NEK7: variants seen among roughly 807,000 people sequenced by gnomAD.
The protein encoded by NEK7 is serine/threonine-protein kinase Nek7.
In NEK7, 18 loss-of-function variants were observed where a neutral mutation model predicts 44.6. That is an observed-to-expected ratio of 0.40 (90% CI 0.28 to 0.60). NEK7 has a LOEUF of 0.60. NEK7 is among the 20% of genes least tolerant of loss of function. The pLI is 0.38. For missense variants in NEK7, 256 were observed against 366.5 expected, an observed-to-expected ratio of 0.70 and a Z score of 2.46; for synonymous variants, 130 against 121.1, an observed-to-expected ratio of 1.07 and a Z score of -0.48.
At chr1:198,233,407 C>G (rs1349140954) in intron 2 of NEK7, among the ~76,000 whole-genome samples, 3 of 151,996 alleles carry the variant, frequency 2.0e-5, no homozygotes, top group Admixed American at 2.0e-4. Context: ...CAGTTGCCAC[C>G]CCATGTCAGG....
chr1:198,267,736 T>C (rs925182577), intron 5 of NEK7, among the ~76,000 whole-genome samples: 1 of 151,946 alleles, frequency 6.6e-6, no homozygotes, highest in East Asian at 1.9e-4. Context: ...AGCCACTGTG[T>C]CCAGCCTGTG....
intron 8 of NEK7, among the ~76,000 whole-genome samples, chr1:198,296,683 C>G (rs1031240634): frequency 2.0e-5 from 3 of 152,176 alleles, no homozygotes; most frequent in African/African-American, 7.2e-5. Flanking sequence ...AGAGAAAATG[C>G]TCTGCATTCT....
intron 9 of NEK7, among the ~76,000 whole-genome samples, chr1:198,297,876 C>G (rs535220819): frequency 1.1e-4 from 17 of 152,290 alleles, no homozygotes; most frequent in Admixed American, 3.9e-4. Flanking sequence ...TCTTAGAAGG[C>G]TACCTTATTA....
intron 7 of NEK7, among the ~76,000 whole-genome samples, chr1:198,281,400 C>T (rs1654193652): frequency 1.3e-5 from 2 of 151,876 alleles, no homozygotes; most frequent in Non-Finnish European, 2.9e-5. Flanking sequence ...TATGTTGATT[C>T]ATTTTTTAAT....
At chr1:198,243,778 C>T (rs1010726252) in intron 2 of NEK7, among the ~76,000 whole-genome samples, 4 of 151,786 alleles carry the variant, frequency 2.6e-5, no homozygotes, top group South Asian at 4.1e-4. Flanking sequence ...TGACACTTAA[C>T]GAAACTTTAG....
chr1:198,188,936 A>G (rs16842548), intron 1 of NEK7, among the ~76,000 whole-genome samples: 15,559 of 152,198 alleles, frequency 0.1, 1,035 homozygotes, highest in East Asian at 0.22. Flanking sequence ...TTGTGCAACC[A>G]GGCATTGAAC....
intron 1 of NEK7, among the ~76,000 whole-genome samples, chr1:198,199,026 T>C (rs1665333119): frequency 6.6e-6 from 1 of 152,164 alleles, no homozygotes; most frequent in Admixed American, 6.5e-5. Context: ...TACCAACCAG[T>C]GATGGAGCTG....
At chr1:198,297,598 C>T (rs1398731230) in intron 9 of NEK7, among the ~76,000 whole-genome samples, 6 of 152,202 alleles carry the variant, frequency 3.9e-5, no homozygotes, top group Non-Finnish European at 8.8e-5. Context: ...AGGGCTAACT[C>T]CTTATTCTCA....
chr1:198,301,572 A>T (rs1415728291), intron 9 of NEK7, among the ~76,000 whole-genome samples: 2 of 152,222 alleles, frequency 1.3e-5, no homozygotes, highest in Non-Finnish European at 2.9e-5. Context: ...ACAAAAAAGC[A>T]TAACATTTCT....
chr1:198,280,915 AT>A (rs1451311249), intron 7 of NEK7, among the ~76,000 whole-genome samples: 3 of 151,568 alleles, frequency 2.0e-5, no homozygotes, highest in Admixed American at 2.0e-4. Flanking sequence ...ATAGAATATA[AT>A]TTTTTCACAA....
At chr1:198,273,505 C>A (rs1465407686) in intron 5 of NEK7, among the ~76,000 whole-genome samples, 1 of 151,544 alleles carries the variant, frequency 6.6e-6, no homozygotes, top group Admixed American at 6.6e-5. Flanking sequence ...TTTTCATCAC[C>A]CAGTCTCTGT....
chr1:198,226,206 G>A (rs1666219598), intron 1 of NEK7, among the ~76,000 whole-genome samples: 1 of 152,094 alleles, frequency 6.6e-6, no homozygotes, highest in African/African-American at 2.4e-5. Context: ...AAGTAATGGT[G>A]TTAAATCAAT....
In NEK7 at chr1:198,321,451, A is replaced by G. The variant is rs2103054164; in HGVS notation, c.*1929A>G. Reference sequence around the variant, plus strand: ...ATTTTAATGTAATATAATTGAGATGAAATGTTCTCTGGTTGGAACAGATAC... The same window carrying G: ...ATTTTAATGTAATATAATTGAGATGGAATGTTCTCTGGTTGGAACAGATAC... On this transcript the variant is annotated 3_prime_UTR_variant, in exon 10 of 10. Transcript: ENST00000367385. 1 of 152,268 alleles carries G rather than the reference A, an allele frequency of 6.6e-6. No individual in the cohort carries two copies. The highest frequency in any genetic ancestry group is 3.4e-3 in the Middle Eastern group (1 of 294). The allele number at this position is 152,268 out of a possible 1,614,324, so 9.4% of individuals were successfully genotyped here. A position where few individuals can be genotyped will look rare whatever the true frequency, so the allele number is the denominator to read the frequency against.
At chr1:198,246,447 G>A (rs746735517) in intron 2 of NEK7, among the ~76,000 whole-genome samples, 19 of 152,190 alleles carry the variant, frequency 1.2e-4, no homozygotes, top group Non-Finnish European at 2.4e-4. Context: ...AACAGATTAC[G>A]TCTAATGAAG....
At chr1:198,182,676 T>C (rs915305194) in intron 1 of NEK7, among the ~76,000 whole-genome samples, 48 of 152,330 alleles carry the variant, frequency 3.2e-4, no homozygotes, top group African/African-American at 9.1e-4. Flanking sequence ...TTGTTCTTTG[T>C]TTTATTACGT....
chr1:198,166,974 A>G (rs143265675), intron 1 of NEK7, among the ~76,000 whole-genome samples: 1 of 152,364 alleles, frequency 6.6e-6, no homozygotes, highest in African/African-American at 2.4e-5. Context: ...TAACTGCTGT[A>G]TCAAATTATT....
intron 1 of NEK7, among the ~76,000 whole-genome samples, chr1:198,179,900 C>T (rs564005429): frequency 8.5e-4 from 130 of 152,072 alleles, no homozygotes; most frequent in African/African-American, 2.9e-3. Flanking sequence ...TTATAGGAGT[C>T]AGGAAACCTG....
intron 2 of NEK7, among the ~76,000 whole-genome samples, chr1:198,242,606 C>T (rs1407302746): frequency 2.7e-5 from 4 of 150,794 alleles, no homozygotes; most frequent in African/African-American, 9.8e-5. Flanking sequence ...TGACCACAGG[C>T]GTGCGCTACT....
intron 2 of NEK7, among the ~76,000 whole-genome samples, chr1:198,240,261 A>C (rs1196517468): frequency 6.6e-6 from 1 of 152,226 alleles, no homozygotes; most frequent in Non-Finnish European, 1.5e-5. Context: ...TCACACTTAC[A>C]TACTTACGAG....
Sources: gnomAD v4.1 joint callset for allele counts (sites outside exome capture counted in the v4.1 genomes callset) on GRCh38, gnomAD v4.1.1 for gene constraint, MANE v1.5 for transcripts, NCBI Gene and HGNC (gene_info 2026-07-23, HGNC 2026-07-21) for gene names.